Variants in NETO1 observed in about 807,000 individuals in gnomAD.
The protein encoded by NETO1 is neuropilin and tolloid-like protein 1.
In NETO1, 26 loss-of-function variants were observed where a neutral mutation model predicts 61.3. That is an observed-to-expected ratio of 0.42 (90% confidence interval 0.31 to 0.59). NETO1 has a LOEUF of 0.59. Ranked by LOEUF, NETO1 falls within the 20% of genes least tolerant of loss-of-function variation. The pLI, the probability that NETO1 is intolerant of heterozygous loss-of-function variation, is 0.12. For synonymous variants in NETO1, 225 were observed against 225.8 expected (o/e 1.00, Z 0.03); for missense variants, 531 against 662.8 (o/e 0.80, Z 2.18).
At chr18:72,766,220 A>G (rs868599921) in intron 7 of NETO1, among the ~76,000 whole-genome samples, 187 of 144,770 alleles carry the variant, frequency 1.3e-3, no homozygotes, top group African/African-American at 4.1e-3. Flanking sequence ...AAAAAAAAAT[A>G]TGTGTGTGTG....
intron 8 of NETO1, among the ~76,000 whole-genome samples, chr18:72,754,350 A>G (rs2070718832): frequency 6.6e-6 from 1 of 152,146 alleles, no homozygotes; most frequent in South Asian, 2.1e-4. Context: ...ACAGTACTAA[A>G]TGTGAATGGA....
chr18:72,804,929 A>G (rs975074682), intron 4 of NETO1, among the ~76,000 whole-genome samples: 2 of 152,230 alleles, frequency 1.3e-5, no homozygotes, highest in Non-Finnish European at 2.9e-5. Flanking sequence ...AGTGGCATCA[A>G]ATAAAATCTT....
intron 3 of NETO1, among the ~76,000 whole-genome samples, chr18:72,860,631 T>C (rs1184236027): frequency 1.3e-5 from 2 of 152,114 alleles, no homozygotes; most frequent in East Asian, 3.9e-4. Context: ...TTATAACTCA[T>C]GCAAGAAAAA....
intron 3 of NETO1, among the ~76,000 whole-genome samples, chr18:72,864,079 C>T (rs927660405): frequency 1.3e-5 from 2 of 151,846 alleles, no homozygotes; most frequent in Admixed American, 6.6e-5. Context: ...ATTAGCCAGG[C>T]ATGGTGGCGT....
intron 4 of NETO1, among the ~76,000 whole-genome samples, chr18:72,844,877 C>T (rs535366348): frequency 2.0e-5 from 3 of 152,216 alleles, no homozygotes; most frequent in African/African-American, 4.8e-5. Context: ...TACGTGAGCA[C>T]GTCACACACC....
At chr18:72,839,581 G>A (rs1456272360) in intron 4 of NETO1, among the ~76,000 whole-genome samples, 1 of 150,140 alleles carries the variant, frequency 6.7e-6, no homozygotes, top group Non-Finnish European at 1.5e-5. Flanking sequence ...TCAGAACATG[G>A]GCTTTGAAGG....
intron 7 of NETO1, among the ~76,000 whole-genome samples, chr18:72,772,825 C>CTCTA (rs1568187563): frequency 2.4e-4 from 10 of 40,840 alleles, no homozygotes; most frequent in African/African-American, 3.2e-4. Flanking sequence ...CTCTCTCTCT[C>CTCTA]TATATATATA....
At chr18:72,768,975 G>A (rs1156380362) in intron 7 of NETO1, among the ~76,000 whole-genome samples, 2 of 152,142 alleles carry the variant, frequency 1.3e-5, no homozygotes, top group Non-Finnish European at 2.9e-5. Flanking sequence ...GATTTCTCAG[G>A]CAATCTGACT....
At chr18:72,783,256 A>G (rs1293303626) in intron 7 of NETO1, among the ~76,000 whole-genome samples, 2 of 152,252 alleles carry the variant, frequency 1.3e-5, no homozygotes, top group Non-Finnish European at 2.9e-5. Flanking sequence ...CTCTGAAGTC[A>G]GAAACCTATT....
At chr18:72,799,034 A>G (rs1334253477) in intron 4 of NETO1, among the ~76,000 whole-genome samples, 1 of 152,248 alleles carries the variant, frequency 6.6e-6, no homozygotes, top group African/African-American at 2.4e-5. Context: ...GTTGAAAACC[A>G]TCACTTCATC....
intron 4 of NETO1, among the ~76,000 whole-genome samples, chr18:72,820,257 C>T (rs1433889115): frequency 6.6e-6 from 1 of 152,034 alleles, no homozygotes; most frequent in Non-Finnish European, 1.5e-5. Flanking sequence ...CAACAATAAA[C>T]GTATGCAGAT....
chr18:72,839,545 T>C (rs2073856075), intron 4 of NETO1, among the ~76,000 whole-genome samples: 1 of 152,204 alleles, frequency 6.6e-6, no homozygotes, highest in African/African-American at 2.4e-5. Flanking sequence ...TAAGGTCACA[T>C]GGACAAGTTC....
Position 72,794,403 on chromosome 18 carries a change from A to T in NETO1, c.471T>A (p.Asp157Glu), listed in dbSNP as rs143129777. 1 of 1,609,124 alleles carries T rather than the reference A, an allele frequency of 6.2e-7. No individual in the cohort carries two copies. Among genetic ancestry groups the T allele is most frequent in the Non-Finnish European group, 8.5e-7 (1 of 1,178,994 alleles). ...AAGCTCCAAGGTCCTTAAAGTCAGG[A>T]TCTTAAAAATTGAGAAAAAGACAAT... The part of the protein sequence containing the change: ...GFSARYNFTP[D>E]PDFKDLGALK... The change falls in exon 5 of 11, where the codon GAT (aspartate) becomes GAA (glutamate). Residue 157 changes from aspartate to glutamate, a missense_variant and splice_region_variant. Coordinates refer to ENST00000327305, the MANE Select transcript of NETO1 (RefSeq NM_138966.5).
At chr18:72,810,466 G>A (rs757261486) in intron 4 of NETO1, among the ~76,000 whole-genome samples, 3 of 152,156 alleles carry the variant, frequency 2.0e-5, no homozygotes, top group African/African-American at 4.8e-5. Flanking sequence ...GCATGCAAAC[G>A]TATCATCTCT....
At chr18:72,818,347 A>T (rs1401308222) in intron 4 of NETO1, among the ~76,000 whole-genome samples, 1 of 152,208 alleles carries the variant, frequency 6.6e-6, no homozygotes, top group East Asian at 1.9e-4. Flanking sequence ...AAATATTGAC[A>T]GTATCACATA....
At chr18:72,776,746 A>G (rs2071562010) in intron 7 of NETO1, among the ~76,000 whole-genome samples, 1 of 152,196 alleles carries the variant, frequency 6.6e-6, no homozygotes, top group Non-Finnish European at 1.5e-5. Flanking sequence ...CACCTTCGGT[A>G]GGTGCAGATC....
intron 6 of NETO1, among the ~76,000 whole-genome samples, chr18:72,787,097 C>A (rs539815336): frequency 1.4e-5 from 2 of 147,816 alleles, no homozygotes; most frequent in South Asian, 4.5e-4. Context: ...ACTTTTTTGA[C>A]TAAAAGTAAA....
intron 5 of NETO1, 26 bp downstream of exon 5, chr18:72,794,337 C>A (rs752085282): frequency 1.9e-6 from 3 of 1,613,162 alleles, no homozygotes; most frequent in Non-Finnish European, 2.5e-6. Flanking sequence ...GTCTTCTGAA[C>A]AGTATTAAAT....
chr18:72,865,099 G>A, intron 2 of NETO1, 89 bp downstream of exon 2: 1 of 1,432,656 alleles, frequency 7.0e-7, no homozygotes, highest in Non-Finnish European at 9.7e-7. Flanking sequence ...AACAGGTTCA[G>A]ATATTCTGGA....
Sources: gnomAD v4.1 joint callset for allele counts (sites outside exome capture counted in the v4.1 genomes callset) on GRCh38, gnomAD v4.1.1 for gene constraint, MANE v1.5 for transcripts, NCBI Gene and HGNC (gene_info 2026-07-23, HGNC 2026-07-21) for gene names.